The following APP variants were observed in gnomAD, a reference collection of about 807,000 sequenced individuals.
The protein encoded by APP is amyloid-beta precursor protein.
A neutral mutation model predicts 101.4 loss-of-function variants in APP; 31 were observed. The observed-to-expected ratio is 0.31, with a 90% confidence interval of 0.23 to 0.41. The LOEUF (loss-of-function observed/expected upper bound fraction) is 0.41. Ranked by LOEUF, APP falls within the 10% of genes least tolerant of loss-of-function variation. The probability of loss-of-function intolerance (pLI) is 1.00; values close to 1 mark genes in which losing one functional copy is unlikely to be tolerated. For synonymous variants in APP, 366 were observed against 364.4 expected (o/e 1.00, Z -0.05); for missense variants, 839 against 1,003.7 (o/e 0.84, Z 2.22).
chr21:25,911,813 A>G lies in APP; in HGVS notation c.1837T>C (p.Phe613Leu). ...CACGGCTGGAGATCGTCCAGGCTGA[A>G]CTCTCCATTCACGGGAAGGAGCTCC... is the stretch of plus-strand genomic sequence containing the variant. ...TVELLPVNGE[F>L]SLDDLQPWHS... The change falls in exon 14 of 18, where the codon TTC becomes CTC. Residue 613 changes from phenylalanine to leucine, a missense_variant. By Grantham distance (22) the Phe-to-Leu change is conservative. Coordinates refer to ENST00000346798, the MANE Select transcript of APP (RefSeq NM_000484.4). 6.2e-7 allele frequency: 1 copy of G among 1,614,058 alleles called. No homozygotes were observed. Among genetic ancestry groups the G allele is most frequent in the Non-Finnish European group, 8.5e-7 (1 of 1,180,024 alleles).
chr21:25,884,844 C>T (rs1210116615), intron 17 of APP, among the ~76,000 whole-genome samples: 1 of 152,218 alleles, frequency 6.6e-6, no homozygotes, highest in Non-Finnish European at 1.5e-5. Context: ...TGTCAACAAT[C>T]ATTTGCATGC....
At chr21:25,938,594 G>A (rs1206592663) in intron 13 of APP, among the ~76,000 whole-genome samples, 1 of 151,768 alleles carries the variant, frequency 6.6e-6, no homozygotes, top group African/African-American at 2.4e-5. Flanking sequence ...GATCTCTGTA[G>A]GTCTGAGGTA....
intron 15 of APP, among the ~76,000 whole-genome samples, chr21:25,899,276 T>TG (rs1424932738): frequency 6.6e-6 from 1 of 152,176 alleles, no homozygotes; most frequent in Non-Finnish European, 1.5e-5. Context: ...CATAAGAACT[T>TG]GGACTTGGGT....
chr21:25,912,758 C>G (rs2039145722), intron 13 of APP, among the ~76,000 whole-genome samples: 1 of 152,112 alleles, frequency 6.6e-6, no homozygotes, highest in African/African-American at 2.4e-5. Flanking sequence ...ATTGATTAAA[C>G]AAGAATCAGC....
At chr21:26,054,940 C>G (rs2045982732) in intron 3 of APP, among the ~76,000 whole-genome samples, 1 of 152,054 alleles carries the variant, frequency 6.6e-6, no homozygotes, top group South Asian at 2.1e-4. Flanking sequence ...AGGGTTTAAA[C>G]TTTAGTCTGT....
intron 8 of APP, among the ~76,000 whole-genome samples, chr21:25,986,427 C>T (rs757274844): frequency 5.3e-5 from 8 of 152,036 alleles, no homozygotes; most frequent in African/African-American, 1.9e-4. Context: ...GGATTTCGGC[C>T]GGATGGGGTG....
At chr21:26,059,432 C>T (rs45551033) in intron 3 of APP, among the ~76,000 whole-genome samples, 2 of 152,234 alleles carry the variant, frequency 1.3e-5, no homozygotes, top group South Asian at 2.1e-4. Flanking sequence ...GCCAAAGCCT[C>T]GGTTTCCTTG....
chr21:26,166,566 G>A (rs2063614780), intron 1 of APP, among the ~76,000 whole-genome samples: 1 of 150,552 alleles, frequency 6.6e-6, no homozygotes, highest in Non-Finnish European at 1.5e-5. Context: ...CCTGAATGTA[G>A]AATCACAACA....
intron 2 of APP, among the ~76,000 whole-genome samples, chr21:26,096,227 T>C (rs2061939240): frequency 6.6e-6 from 1 of 152,230 alleles, no homozygotes; most frequent in African/African-American, 2.4e-5. Context: ...CTGGTATTTA[T>C]CAGTGTGCCT....
intron 1 of APP, among the ~76,000 whole-genome samples, chr21:26,153,375 ACT>A: frequency 6.6e-6 from 1 of 152,350 alleles, no homozygotes; most frequent in Non-Finnish European, 1.5e-5. Context: ...AACAGAAAAC[ACT>A]GTTTTAAAAA....
chr21:26,168,699 A>G (rs1218683183), intron 1 of APP, among the ~76,000 whole-genome samples: 2 of 152,236 alleles, frequency 1.3e-5, no homozygotes, highest in Non-Finnish European at 2.9e-5. Flanking sequence ...GGAAAACTGG[A>G]ATAATTCTAC....
chr21:25,980,598 C>T (rs1168065527), intron 9 of APP, among the ~76,000 whole-genome samples: 1 of 152,114 alleles, frequency 6.6e-6, no homozygotes, highest in Non-Finnish European at 1.5e-5. Flanking sequence ...GATTATAAGG[C>T]TTTTTTCCTC....
At chr21:26,103,138 T>C (rs1008727058) in intron 2 of APP, among the ~76,000 whole-genome samples, 5 of 152,174 alleles carry the variant, frequency 3.3e-5, no homozygotes, top group Admixed American at 3.3e-4. Context: ...CTTAATGTGT[T>C]TGGAAGCATA....
At chr21:25,982,856 A>G (rs1039950251) in intron 8 of APP, among the ~76,000 whole-genome samples, 3 of 152,240 alleles carry the variant, frequency 2.0e-5, no homozygotes, top group African/African-American at 7.2e-5. Context: ...TGATGATATC[A>G]TCAATATCAT....
intron 11 of APP, among the ~76,000 whole-genome samples, chr21:25,965,243 G>A (rs138299473): frequency 8.5e-5 from 13 of 152,328 alleles, no homozygotes; most frequent in African/African-American, 1.4e-4. Flanking sequence ...AGCGCACAGT[G>A]TTGCTGAAAT....
intron 3 of APP, among the ~76,000 whole-genome samples, chr21:26,075,671 T>C (rs1340431606): frequency 6.6e-6 from 1 of 152,174 alleles, no homozygotes; most frequent in African/African-American, 2.4e-5. Context: ...TAATGACATG[T>C]GCAGTACAAA....
chr21:26,152,820 G>T (rs2063305655), intron 1 of APP, among the ~76,000 whole-genome samples: 1 of 152,172 alleles, frequency 6.6e-6, no homozygotes, highest in South Asian at 2.1e-4. Context: ...AGAAGTCATT[G>T]TATGAAAAAG....
chr21:26,170,573 C>A lies in APP; in HGVS notation c.48G>T (p.Arg16=), dbSNP rs1289465917. 21 of 1,538,544 alleles carry A rather than the reference C, an allele frequency of 1.4e-5. No homozygotes were observed. In the South Asian group the frequency reaches 2.4e-4, roughly 17 times the overall value. Residue 16 remains arginine, a synonymous_variant, in exon 1 of 18, where the codon CGG becomes CGT. Coordinates refer to ENST00000346798, the MANE Select transcript of APP (RefSeq NM_000484.4). ...GAGGCGCGGCACCCACCTCCAGCGC[C>A]CGAGCCGTCCAGGCGGCCAGCAGGA... is the stretch of plus-strand genomic sequence containing the variant. The part of the protein sequence containing the change: ...ALLLLAAWTA[R]ALEVPTDGNA...
At chr21:26,122,066 T>A (rs192755452) in intron 1 of APP, among the ~76,000 whole-genome samples, 2 of 152,350 alleles carry the variant, frequency 1.3e-5, no homozygotes, top group Admixed American at 1.3e-4. Flanking sequence ...GTTGCTGATA[T>A]ACTTGGACAA....
Sources: gnomAD v4.1 joint callset for allele counts (sites outside exome capture counted in the v4.1 genomes callset) on GRCh38, gnomAD v4.1.1 for gene constraint, MANE v1.5 for transcripts, NCBI Gene and HGNC (gene_info 2026-07-23, HGNC 2026-07-21) for gene names.